TRRAP: variants seen among roughly 807,000 people sequenced by gnomAD.
TRRAP encodes transformation/transcription domain associated protein, also known as transformation/transcription domain-associated protein.
A neutral mutation model predicts 438.8 loss-of-function variants in TRRAP; 41 were observed. That is an observed-to-expected ratio of 0.09 (90% CI 0.07 to 0.12). TRRAP has a LOEUF of 0.12. Among genes scored for constraint, TRRAP ranks in the 10% least tolerant of loss-of-function variants. The pLI, the probability that TRRAP is intolerant of heterozygous loss-of-function variation, is 1.00. For synonymous variants in TRRAP, 1,994 were observed against 1,962.9 expected, an observed-to-expected ratio of 1.02 and a Z score of -0.42; for missense variants, 3,122 against 5,055.1, an observed-to-expected ratio of 0.62 and a Z score of 11.60.
chr7:98,929,957 G>A, intron 23 of TRRAP, 32 bp from the exon 24 acceptor site: 1 of 1,608,340 alleles, frequency 6.2e-7, no homozygotes, highest in Non-Finnish European at 8.5e-7. Flanking sequence ...GGACAAGACT[G>A]TTCTCACGTG....
intron 18 of TRRAP, 132 bp from the exon 19 acceptor site, chr7:98,915,590 GT>G (rs1372368092): frequency 8.9e-7 from 1 of 1,120,132 alleles, no homozygotes; most frequent in East Asian, 2.5e-5. Context: ...TGCTTGTTTG[GT>G]TTTTTCCCTT....
chr7:98,935,686 G>T lies in TRRAP; in HGVS notation c.4111+11G>T, dbSNP rs372251257. The T allele has an allele frequency of 2.5e-6, 4 of 1,578,228 alleles. No individual in the cohort carries two copies. Among genetic ancestry groups the T allele is most frequent in the Admixed American group, 1.7e-5 (1 of 59,494 alleles). On this transcript the variant is annotated intron_variant, in intron 28 of 72. Transcript: ENST00000456197. Reference sequence around the variant, plus strand: ...GAATTGCGGCATTAAGTAAGTTAATGAAAATCTACGGGGTATAAAAGTGAA... The same window carrying T: ...GAATTGCGGCATTAAGTAAGTTAATTAAAATCTACGGGGTATAAAAGTGAA...
At chr7:98,899,003 C>T (rs998841036) in intron 8 of TRRAP, among the ~76,000 whole-genome samples, 10 of 152,170 alleles carry the variant, frequency 6.6e-5, no homozygotes, top group Non-Finnish European at 1.5e-4. Flanking sequence ...GCCTGGCCAA[C>T]ATGGCAAAAC....
Position 98,917,593 on chromosome 7 carries a change from C to T in TRRAP, c.2536C>T (p.Leu846Phe). 6.2e-7 allele frequency: 1 copy of T among 1,614,216 alleles called. No individual in the cohort carries two copies. Among genetic ancestry groups the T allele is most frequent in the Non-Finnish European group, 8.5e-7 (1 of 1,180,044 alleles). ...GTCTCAGACATTGGTCAGCCAAGGC[C>T]TCAGGACGCTGGAGCTGTGTGTGGA... ...NGSQTLVSQG[L>F]RTLELCVDNL... The change falls in exon 20 of 73, where the codon CTC becomes TTC. Residue 846 changes from leucine to phenylalanine, a missense_variant. Transcript: ENST00000456197.
rs1258565561 is a variant in TRRAP at position 98,971,810 on chromosome 7, A to G, written c.7704A>G (p.Ile2568Met). The change falls in exon 53 of 73, where the codon ATA (isoleucine) becomes ATG (methionine). Residue 2568 changes from isoleucine (I) to methionine (M), a missense_variant. Physicochemically the swap from Ile to Met is conservative, Grantham distance 10. Around this residue, in one of 24 missense-constraint regions of TRRAP, gnomAD observed 992 missense variants for 1,281.2 expected, o/e 0.77. Coordinates refer to ENST00000456197, the MANE Select transcript of TRRAP (RefSeq NM_001375524.1). ...NSESKEEDVE[I>M]DIELAPGDQT... ...GCTTTGTTTCTTAGGATGTAGAGAT[A>G]GACATCGAACTAGCTCCTGGGGATC... is the stretch of plus-strand genomic sequence containing the variant. 5.6e-6 allele frequency: 9 copies of G among 1,614,006 alleles called. No homozygotes were observed. The highest frequency in any genetic ancestry group is 7.6e-6 in the Non-Finnish European group (9 of 1,179,990).
intron 3 of TRRAP, among the ~76,000 whole-genome samples, chr7:98,889,489 C>T (rs1554404471): frequency 6.6e-6 from 1 of 151,846 alleles, no homozygotes; most frequent in East Asian, 1.9e-4. Flanking sequence ...TAAGTGGGAC[C>T]CAGAAACTGC....
Position 98,910,217 on chromosome 7 carries a change from T to TTCCCCCCCCCCCCCCCCCCCCC in TRRAP, c.1512_1513insTCCCCCCCCCCCCCCCCCCCCC (p.Ala505SerfsTer75). The TTCCCCCCCCCCCCCCCCCCCCC allele has an allele frequency of 9.6e-7, 1 of 1,045,586 alleles. No individual in the cohort carries two copies. The highest frequency in any genetic ancestry group is 1.2e-6 in the Non-Finnish European group (1 of 806,028). 64.8% of individuals were successfully genotyped at this position (1,045,586 alleles called of 1,614,324 possible). On this transcript the variant is annotated frameshift_variant, in exon 15 of 73. Coordinates refer to ENST00000456197, the MANE Select transcript of TRRAP (RefSeq NM_001375524.1). LOFTEE classifies it high-confidence loss of function. ...CTGCTCCCTCCCCAGCCCCTGTCCC[T>TTCCCCCCCCCCCCCCCCCCCCC]GCCCCACCTCCACCCCCGCCCCCAC...
At chr7:98,918,227 C>CTTTTTTT (rs71118647) in intron 20 of TRRAP, among the ~76,000 whole-genome samples, 11 of 83,200 alleles carry the variant, frequency 1.3e-4, no homozygotes, top group African/African-American at 2.4e-4. Flanking sequence ...GGGTTATATT[C>CTTTTTTT]TTTTTTTTTT....
At chr7:99,002,063 C>T (rs1793947251) in intron 67 of TRRAP, among the ~76,000 whole-genome samples, 1 of 147,586 alleles carries the variant, frequency 6.8e-6, no homozygotes, top group Non-Finnish European at 1.5e-5. Flanking sequence ...TGTGAAATAC[C>T]ACAGTGGAGA....
At chr7:98,973,243 G>A (rs1792497863) in intron 53 of TRRAP, among the ~76,000 whole-genome samples, 1 of 152,140 alleles carries the variant, frequency 6.6e-6, no homozygotes, top group Non-Finnish European at 1.5e-5. Flanking sequence ...GCCTCCCAAA[G>A]TGCTGGGATT....
chr7:98,881,605 G>A (rs782354779), intron 2 of TRRAP: 25 of 262,598 alleles, frequency 9.5e-5, no homozygotes, highest in Non-Finnish European at 1.7e-4. Flanking sequence ...GCATAAATAT[G>A]ACACATTTAT....
intron 45 of TRRAP, among the ~76,000 whole-genome samples, chr7:98,960,042 A>G (rs1393164347): frequency 6.6e-6 from 1 of 152,160 alleles, no homozygotes; most frequent in South Asian, 2.1e-4. Context: ...ACCTTAATAC[A>G]GTTCTCTTGC....
Position 98,976,202 on chromosome 7 carries a change from G to A in TRRAP, c.7893G>A (p.Leu2631=), listed in dbSNP as rs775723063. ...AGCTGTGCCACATTTCCACGACGCTGGCAGAGAAGACGTGGGTCCAGCTTT... is the reference window on the plus strand; with the variant it reads ...AGCTGTGCCACATTTCCACGACGCTAGCAGAGAAGACGTGGGTCCAGCTTT... ...FVQLCHISTT[L]AEKTWVQLFP... is the part of the protein sequence containing the mutation. The change falls in exon 54 of 73, where the codon CTG becomes CTA. Residue 2631 remains leucine, a synonymous_variant. Transcript: ENST00000456197. The surrounding 1 kb of genome is among the most constrained non-coding windows in gnomAD (Gnocchi z 4.6). 6.2e-7 allele frequency: 1 copy of A among 1,614,158 alleles called. No homozygotes were observed. Among genetic ancestry groups the A allele is most frequent in the East Asian group, 2.2e-5 (1 of 44,890 alleles).
At chr7:98,896,169 G>A (rs1489812045) in intron 7 of TRRAP, among the ~76,000 whole-genome samples, 1 of 152,064 alleles carries the variant, frequency 6.6e-6, no homozygotes, top group Non-Finnish European at 1.5e-5. Flanking sequence ...AGACGGTTGA[G>A]TTTACAGGCT....
chr7:98,997,941 A>G (rs890736047), intron 67 of TRRAP, among the ~76,000 whole-genome samples: 1 of 152,210 alleles, frequency 6.6e-6, no homozygotes, highest in Non-Finnish European at 1.5e-5. Context: ...TTTAATTATT[A>G]TAAGTTTATA....
intron 65 of TRRAP, among the ~76,000 whole-genome samples, chr7:98,992,866 T>C (rs540776189): frequency 6.6e-6 from 1 of 152,290 alleles, no homozygotes; most frequent in South Asian, 2.1e-4. Context: ...GAGGGCTGCA[T>C]GGCACATTTC....
rs192136234 is a variant in TRRAP, at chr7:98,941,839, C to T, written c.4405-1110C>T. ...ATTGGCCACGTAAGGTTGGGAAACG[C>T]GGCTTCTCAAAGTTTGACATGGACT... On this transcript the variant is annotated intron_variant, in intron 30 of 72. Transcript: ENST00000456197. Among the ~76,000 whole-genome samples, 244 of 152,180 alleles carry T rather than the reference C, an allele frequency of 1.6e-3. 1 individual carries two copies. Among genetic ancestry groups the T allele is most frequent in the African/African-American group, 5.6e-3 (232 of 41,490 alleles).
chr7:98,969,404 A>G (rs927914288), intron 51 of TRRAP, among the ~76,000 whole-genome samples: 2 of 152,144 alleles, frequency 1.3e-5, no homozygotes, highest in African/African-American at 2.4e-5. Flanking sequence ...TAATTCTGTC[A>G]GTCCACCCTG....
chr7:98,990,865 C>T (rs574443694), intron 64 of TRRAP, among the ~76,000 whole-genome samples: 23 of 152,166 alleles, frequency 1.5e-4, no homozygotes, highest in Non-Finnish European at 2.5e-4. Flanking sequence ...ATTTCTTAAA[C>T]ATTTTCCCAT....
Sources: gnomAD v4.1 joint callset for allele counts (sites outside exome capture counted in the v4.1 genomes callset) on GRCh38, gnomAD v4.1.1 for gene constraint, gnomAD v4.1.1 regional missense constraint, Gnocchi (gnomAD v3.1) non-coding constraint, MANE v1.5 for transcripts, NCBI Gene and HGNC (gene_info 2026-07-23, HGNC 2026-07-21) for gene names.